The following GPR55 variants were observed in gnomAD, a reference collection of about 807,000 sequenced individuals.
GPR55 encodes G-protein coupled receptor 55.
GPR55 carries 6 observed loss-of-function variants against 7.9 expected under a neutral mutation model. The observed-to-expected ratio is 0.76, with a 90% confidence interval of 0.41 to 1.49. The LOEUF is 1.49. Among genes scored for constraint, GPR55 ranks in the 40% most tolerant of loss-of-function variants. The pLI is 0.01. For missense variants in GPR55, 376 were observed against 406.0 expected, an observed-to-expected ratio of 0.93 and a Z score of 0.63; for synonymous variants, 183 against 166.8, an observed-to-expected ratio of 1.10 and a Z score of -0.75.
chr2:230,927,316 G>A (rs1271848902), upstream of GPR55, among the ~76,000 whole-genome samples: 1 of 152,058 alleles, frequency 6.6e-6, no homozygotes, highest in Non-Finnish European at 1.5e-5. Context: ...GTATCCCTTG[G>A]ATACCTTGGG....
In GPR55 at chr2:230,941,090, C is replaced by T. The variant is rs528421532; in HGVS notation, c.-135+19685G>A. Among the ~76,000 whole-genome samples, 848 of 151,912 alleles carry T rather than the reference C, an allele frequency of 5.6e-3. 8 individuals are homozygous for T. Among genetic ancestry groups the T allele is most frequent in the African/African-American group, 0.019 (804 of 41,404 alleles). ...CAAGATGGCACCACTGCACTCCAGC[C>T]CGGGCGACAGAGCAAGACTCCATCT... On this transcript the variant is annotated intron_variant, in intron 1 of 1. Coordinates refer to the GPR55 transcript ENST00000392039.
chr2:230,934,388 C>T (rs947794034), intron 1 of GPR55, among the ~76,000 whole-genome samples: 4 of 152,200 alleles, frequency 2.6e-5, no homozygotes, highest in African/African-American at 9.6e-5. Context: ...TCTTTCTGCC[C>T]CTCAGGGATG....
intron 1 of GPR55, among the ~76,000 whole-genome samples, chr2:230,919,300 G>A (rs1356140762): frequency 2.0e-5 from 3 of 152,008 alleles, no homozygotes; most frequent in African/African-American, 4.8e-5. Flanking sequence ...AAACAGGACA[G>A]GTTTGACTGC....
At position 230,945,431 on chromosome 2, in the gene GPR55, A is replaced by G. The variant is rs111388239; in HGVS notation, c.-135+15344T>C. 4.2e-3 allele frequency among the ~76,000 whole-genome samples: 646 copies of G among 152,316 alleles called. 5 individuals carry two copies. Among genetic ancestry groups the G allele is most frequent in the African/African-American group, 0.015 (622 of 41,568 alleles). On this transcript the variant is annotated intron_variant, in intron 1 of 1. Coordinates refer to the GPR55 transcript ENST00000392039. ...ACATGAAAAGGAAAGGGGAAAAAAA[A>G]AGGGGTGACTTGGAAAGAATGCAAC...
chr2:230,960,686 T>C (rs1691554073), intron 1 of GPR55: 1 of 152,178 alleles, frequency 6.6e-6, no homozygotes, highest in Non-Finnish European at 1.5e-5. Context: ...CAATAACTTT[T>C]CTTAGATTCT....
At chr2:230,960,532 G>A (rs1417285404) in intron 1 of GPR55, among the ~76,000 whole-genome samples, 1 of 152,070 alleles carries the variant, frequency 6.6e-6, no homozygotes, top group African/African-American at 2.4e-5. Flanking sequence ...AAAAGAATTA[G>A]TAGGGAGGTA....
upstream of GPR55, among the ~76,000 whole-genome samples, chr2:230,929,239 C>A (rs80076862): frequency 6.6e-6 from 1 of 152,260 alleles, no homozygotes; most frequent in South Asian, 2.1e-4. Flanking sequence ...TTCCTGGAGC[C>A]TTTGCCAAGT....
At chr2:230,960,132 C>T (rs1003427418) in intron 1 of GPR55, among the ~76,000 whole-genome samples, 2 of 152,164 alleles carry the variant, frequency 1.3e-5, no homozygotes, top group African/African-American at 2.4e-5. Context: ...AACTGATGAC[C>T]CGTTGTCCCA....
intron 1 of GPR55, among the ~76,000 whole-genome samples, chr2:230,932,401 T>A (rs1334261942): frequency 6.6e-6 from 1 of 152,262 alleles, no homozygotes. Context: ...TATATCATTT[T>A]GAAATTACAG....
At chr2:230,943,617 C>T (rs1197180051) in intron 1 of GPR55, among the ~76,000 whole-genome samples, 1 of 152,242 alleles carries the variant, frequency 6.6e-6, no homozygotes. Context: ...CTCTAAATCT[C>T]ATGTTGAACT....
At chr2:230,921,244 G>T (rs938823801) in intron 1 of GPR55, among the ~76,000 whole-genome samples, 1 of 152,184 alleles carries the variant, frequency 6.6e-6, no homozygotes, top group African/African-American at 2.4e-5. Flanking sequence ...GGAGCCCTTA[G>T]TGCCCCTCCT....
upstream of GPR55, among the ~76,000 whole-genome samples, chr2:230,927,266 C>T (rs1022703245): frequency 2.6e-5 from 4 of 152,160 alleles, no homozygotes; most frequent in Admixed American, 1.3e-4. Context: ...ACACGAGCTG[C>T]TCTGCAGTAG....
intron 1 of GPR55, among the ~76,000 whole-genome samples, chr2:230,917,005 G>A (rs1574620845): frequency 6.6e-6 from 1 of 152,110 alleles, no homozygotes; most frequent in Non-Finnish European, 1.5e-5. Flanking sequence ...GTTCTGTGGC[G>A]ATAGAACAGA....
At chr2:230,946,018 ATAT>A (rs1691307433) in intron 1 of GPR55, among the ~76,000 whole-genome samples, 1 of 152,254 alleles carries the variant, frequency 6.6e-6, no homozygotes, top group African/African-American at 2.4e-5. Context: ...ACACAATGAA[ATAT>A]TATTTAGCCA....
chr2:230,939,957 T>A (rs1159219351), intron 1 of GPR55, among the ~76,000 whole-genome samples: 3 of 151,892 alleles, frequency 2.0e-5, no homozygotes, highest in Non-Finnish European at 4.4e-5. Context: ...CGGGGACAGC[T>A]AATCCTCCCA....
chr2:230,918,028 T>C (rs1204549915), intron 1 of GPR55, among the ~76,000 whole-genome samples: 1 of 151,788 alleles, frequency 6.6e-6, no homozygotes, highest in African/African-American at 2.4e-5. Context: ...ATTAAATAAA[T>C]GAATTAAGCA....
At chr2:230,912,227 C>T (rs931157205) in intron 1 of GPR55, among the ~76,000 whole-genome samples, 2 of 152,182 alleles carry the variant, frequency 1.3e-5, no homozygotes, top group African/African-American at 4.8e-5. Context: ...TCCTTAACCA[C>T]TTCGGCAGAA....
intron 1 of GPR55, among the ~76,000 whole-genome samples, chr2:230,950,925 A>G (rs1003430567): frequency 6.6e-5 from 10 of 152,184 alleles, no homozygotes; most frequent in African/African-American, 2.2e-4. Context: ...CCAAGAGGAC[A>G]GGGTTCAGAG....
intron 1 of GPR55, among the ~76,000 whole-genome samples, chr2:230,951,115 T>C (rs1257645864): frequency 6.6e-6 from 1 of 152,032 alleles, no homozygotes; most frequent in Non-Finnish European, 1.5e-5. Flanking sequence ...AAAGAGGGCG[T>C]TGTGGGAACC....
Sources: allele counts gnomAD v4.1 joint callset (sites outside exome capture counted in the v4.1 genomes callset), GRCh38; gene constraint gnomAD v4.1.1; transcripts MANE v1.5; gene names NCBI Gene and HGNC (gene_info 2026-07-23, HGNC 2026-07-21).